Variants in MALRD1 observed in about 807,000 individuals in gnomAD.
MALRD1 encodes MAM and LDL receptor class A domain containing 1.
Under a neutral mutation model 242.1 loss-of-function variants are expected in MALRD1, and 247 were observed. The observed-to-expected ratio is 1.02, with a 90% confidence interval of 0.92 to 1.13. The LOEUF (loss-of-function observed/expected upper bound fraction) is 1.13. Ranked by LOEUF, MALRD1 falls within the 50% of genes most tolerant of loss-of-function variation. The pLI is 0.00. For missense variants in MALRD1, 2,989 were observed against 2,533.1 expected (o/e 1.18, Z -3.86); for synonymous variants, 995 against 866.6 (o/e 1.15, Z -2.60).
chr10:19,554,603 C>A (rs528715367), intron 32 of MALRD1, among the ~76,000 whole-genome samples: 166 of 152,192 alleles, frequency 1.1e-3, no homozygotes, highest in African/African-American at 3.9e-3. Flanking sequence ...TCCATGTGTT[C>A]TCATTGTTCA....
intron 31 of MALRD1, among the ~76,000 whole-genome samples, chr10:19,519,895 G>C (rs563996706): frequency 1.3e-4 from 20 of 152,248 alleles, no homozygotes; most frequent in African/African-American, 4.8e-4. Flanking sequence ...ATGAAGAGGG[G>C]TTCTTACAGT....
At chr10:19,109,326 G>T (rs1836591014) in intron 5 of MALRD1, among the ~76,000 whole-genome samples, 1 of 152,110 alleles carries the variant, frequency 6.6e-6, no homozygotes, top group African/African-American at 2.4e-5. Flanking sequence ...TTGAGGGTTT[G>T]TCAGGGCTGC....
At chr10:19,452,643 A>G (rs73595812) in intron 29 of MALRD1, among the ~76,000 whole-genome samples, 9,354 of 152,270 alleles carry the variant, frequency 0.061, 922 homozygotes, top group African/African-American at 0.21. Context: ...TATGAATGGA[A>G]CTAAACAACA....
chr10:19,123,290 A>G (rs867517564), intron 5 of MALRD1, among the ~76,000 whole-genome samples: 5 of 148,950 alleles, frequency 3.4e-5, no homozygotes, highest in Admixed American at 2.0e-4. Context: ...CTCTGTCTCT[A>G]TTTGAGTGGT....
In MALRD1 at chr10:19,109,204, G is replaced by C. The variant is rs4504969; in HGVS notation, c.694+5129G>C. On this transcript the variant is annotated intron_variant, in intron 5 of 39. Transcript: ENST00000454679. ...GCTCCTTGGACAAGCTTCCCCACTG[G>C]GGGTGGGGATGCTGGGCTGTTCTGA... 9.3e-3 allele frequency among the ~76,000 whole-genome samples: 1,409 copies of C among 152,240 alleles called. 30 individuals are homozygous for C. The highest frequency in any genetic ancestry group is 0.032 in the African/African-American group (1,349 of 41,522).
chr10:19,372,509 C>T (rs1451797665), intron 26 of MALRD1, among the ~76,000 whole-genome samples: 1 of 151,450 alleles, frequency 6.6e-6, no homozygotes, highest in Non-Finnish European at 1.5e-5. Flanking sequence ...CACTCTGTCA[C>T]CCAGGCTGGA....
intron 29 of MALRD1, chr10:19,489,332 A>C: frequency 1.9e-6 from 1 of 534,364 alleles, no homozygotes; most frequent in East Asian, 5.0e-5. Context: ...AACTGCAGAA[A>C]ACGGGGAAAG....
chr10:19,284,371 A>T (rs553170273), intron 21 of MALRD1, among the ~76,000 whole-genome samples: 2 of 149,848 alleles, frequency 1.3e-5, no homozygotes, highest in Non-Finnish European at 3.0e-5. Flanking sequence ...ATCTAGCATT[A>T]GGTATATCTC....
At chr10:19,137,275 C>T (rs1400149914) in intron 10 of MALRD1, among the ~76,000 whole-genome samples, 1 of 151,424 alleles carries the variant, frequency 6.6e-6, no homozygotes, top group African/African-American at 2.4e-5. Flanking sequence ...CATGGCTGCC[C>T]TGGAGGAAGG....
chr10:19,710,446 C>T (rs1396777105), intron 38 of MALRD1: 1 of 152,144 alleles, frequency 6.6e-6, no homozygotes, highest in East Asian at 1.9e-4. Context: ...ATTCCTTGAT[C>T]ATTTAAGATA....
At chr10:19,296,290 T>A (rs1841698023) in intron 21 of MALRD1, among the ~76,000 whole-genome samples, 1 of 152,144 alleles carries the variant, frequency 6.6e-6, no homozygotes, top group Non-Finnish European at 1.5e-5. Flanking sequence ...AATTATTTCC[T>A]CTGCCAGAAT....
At chr10:19,594,877 G>T (rs762318808) in intron 33 of MALRD1, among the ~76,000 whole-genome samples, 47 of 152,008 alleles carry the variant, frequency 3.1e-4, no homozygotes, top group Non-Finnish European at 6.3e-4. Context: ...TATATATCGG[G>T]TACAGTGTAC....
chr10:19,391,575 A>T (rs1459231601), intron 28 of MALRD1, among the ~76,000 whole-genome samples: 2 of 151,676 alleles, frequency 1.3e-5, no homozygotes, highest in African/African-American at 4.8e-5. Flanking sequence ...CTGGCTTGGC[A>T]CTCCCTGTCT....
At chr10:19,282,649 T>A (rs1431990070) in intron 20 of MALRD1, among the ~76,000 whole-genome samples, 2 of 152,152 alleles carry the variant, frequency 1.3e-5, no homozygotes, top group Non-Finnish European at 1.5e-5. Context: ...GAATTAGCAA[T>A]AACCCCTTCA....
At position 19,261,446 on chromosome 10, in the gene MALRD1, T is replaced by TAA. The variant is rs531115191; in HGVS notation, c.3079+3689_3079+3690dup. On this transcript the variant is annotated intron_variant, in intron 19 of 39. Coordinates refer to ENST00000454679, the MANE Select transcript of MALRD1 (RefSeq NM_001142308.3). Reference sequence around the variant, plus strand: ...ACAAAAATAAAAATTGAGCTCTACGTAAAAAAAAAAAAAAATGTTACTCTT... The same window carrying TAA: ...ACAAAAATAAAAATTGAGCTCTACGTAAAAAAAAAAAAAAAAATGTTACTCTT... Among the ~76,000 whole-genome samples, 155 of 135,028 alleles carry TAA rather than the reference T, an allele frequency of 1.1e-3. 1 individual carries two copies. The highest frequency in any genetic ancestry group is 7.0e-3 in the East Asian group (33 of 4,704). 88.6% of individuals were successfully genotyped at this position (135,028 alleles called of 152,430 possible). A position where few individuals can be genotyped will look rare whatever the true frequency, so the allele number is the denominator to read the frequency against.
chr10:19,562,188 C>T (rs1304810433), intron 32 of MALRD1, among the ~76,000 whole-genome samples: 6 of 152,026 alleles, frequency 3.9e-5, no homozygotes, highest in South Asian at 4.1e-4. Context: ...CCCAGCTACT[C>T]AGGAGGCTGA....
chr10:19,516,067 A>T (rs1004595346), intron 31 of MALRD1, among the ~76,000 whole-genome samples: 2 of 152,198 alleles, frequency 1.3e-5, no homozygotes, highest in African/African-American at 4.8e-5. Flanking sequence ...TAATATAGAG[A>T]TAACATAAGC....
At chr10:19,439,753 A>G (rs1001808787) in intron 28 of MALRD1, among the ~76,000 whole-genome samples, 8 of 152,102 alleles carry the variant, frequency 5.3e-5, no homozygotes, top group East Asian at 1.9e-4. Flanking sequence ...ATTGTTTTGA[A>G]TGTGTCATAT....
chr10:19,437,396 C>A (rs1217818174), intron 28 of MALRD1, among the ~76,000 whole-genome samples: 1 of 152,060 alleles, frequency 6.6e-6, no homozygotes, highest in African/African-American at 2.4e-5. Flanking sequence ...CTTCCAATTT[C>A]TGGAAGCTTG....
Sources: allele counts gnomAD v4.1 joint callset (sites outside exome capture counted in the v4.1 genomes callset), GRCh38; gene constraint gnomAD v4.1.1; transcripts MANE v1.5; gene names NCBI Gene and HGNC (gene_info 2026-07-23, HGNC 2026-07-21).